Variants in DTNA observed in about 807,000 individuals in gnomAD.
DTNA encodes the protein dystrobrevin alpha.
Under a neutral mutation model 100.7 loss-of-function variants are expected in DTNA, and 43 were observed. The ratio of observed to expected loss-of-function variants is 0.43; its 90% CI spans 0.33 to 0.55. DTNA has a LOEUF of 0.55. Ranked by LOEUF, DTNA falls within the 20% of genes least tolerant of loss-of-function variation. DTNA has a pLI of 0.04. For missense variants in DTNA, 798 were observed against 953.9 expected (o/e 0.84, Z 2.15); for synonymous variants, 349 against 347.9 (o/e 1.00, Z -0.04).
rs139722510 is a variant in DTNA, at chr18:34,520,775, A to C, written c.-2+27261A>C. 2.1e-4 allele frequency among the ~76,000 whole-genome samples: 32 copies of C among 152,188 alleles called. No individual in the cohort carries two copies. The East Asian group carries it at 4.3e-3, about 20-fold the overall frequency. ...AAGTTTTCATTGCTGTTCTCCTGCCATTTCCTTCCTAGGTAACTACTGCTT... is the reference window on the plus strand; with the variant it reads ...AAGTTTTCATTGCTGTTCTCCTGCCCTTTCCTTCCTAGGTAACTACTGCTT... On this transcript the variant is annotated intron_variant, in intron 1 of 19. Transcript: ENST00000283365.
At chr18:34,668,845 A>G (rs2144918228) in intron 1 of DTNA, among the ~76,000 whole-genome samples, 2 of 152,264 alleles carry the variant, frequency 1.3e-5, no homozygotes, top group East Asian at 3.9e-4. Flanking sequence ...TTTACTTCCA[A>G]CTATGTGGTC....
At chr18:34,592,204 A>C (rs1004362910) in intron 1 of DTNA, among the ~76,000 whole-genome samples, 1 of 152,042 alleles carries the variant, frequency 6.6e-6, no homozygotes, top group South Asian at 2.1e-4. Flanking sequence ...CAAAATTATA[A>C]AGCCTTCATT....
intron 22 of DTNA, among the ~76,000 whole-genome samples, chr18:34,886,019 G>T (rs1302651102): frequency 6.6e-6 from 1 of 152,178 alleles, no homozygotes; most frequent in African/African-American, 2.4e-5. Flanking sequence ...CCTCTCAAAG[G>T]ATTCTGGCTG....
At chr18:34,815,850 A>C in intron 6 of DTNA, 59 bp from the exon 7 acceptor site, 1 of 1,340,018 alleles carries the variant, frequency 7.5e-7, no homozygotes, top group Admixed American at 1.7e-5. Context: ...TGATATTTAC[A>C]TAGCAGGTAA....
intron 1 of DTNA, among the ~76,000 whole-genome samples, chr18:34,661,728 T>C (rs540939551): frequency 6.6e-6 from 1 of 152,260 alleles, no homozygotes; most frequent in African/African-American, 2.4e-5. Flanking sequence ...CCACCCTCTT[T>C]GCCCCAAGAT....
intron 1 of DTNA, among the ~76,000 whole-genome samples, chr18:34,571,807 C>G (rs2047617083): frequency 6.6e-6 from 1 of 152,100 alleles, no homozygotes; most frequent in Non-Finnish European, 1.5e-5. Flanking sequence ...TTTCAACATA[C>G]CCCATTCCAA....
At chr18:34,503,764 TTGAGCATTTAC>T (rs1172570696) in intron 1 of DTNA, among the ~76,000 whole-genome samples, 3 of 151,962 alleles carry the variant, frequency 2.0e-5, no homozygotes, top group Non-Finnish European at 1.5e-5. Context: ...TGTTATTTAC[TTGAGCATTTAC>T]AGAATTCCAC....
intron 1 of DTNA, among the ~76,000 whole-genome samples, chr18:34,506,738 ACCATCATGTCATT>A (rs1183904987): frequency 6.6e-6 from 1 of 152,118 alleles, no homozygotes; most frequent in Non-Finnish European, 1.5e-5. Context: ...CAGGGAACTC[ACCATCATGTCATT>A]CCTTGAGCTC....
intron 17 of DTNA, among the ~76,000 whole-genome samples, chr18:34,870,496 G>A (rs1014465842): frequency 6.6e-6 from 1 of 152,064 alleles, no homozygotes; most frequent in East Asian, 1.9e-4. Flanking sequence ...AAAGATGATC[G>A]TCTAGTGTTC....
intron 1 of DTNA, among the ~76,000 whole-genome samples, chr18:34,582,237 C>G (rs1242937423): frequency 6.6e-6 from 1 of 152,096 alleles, no homozygotes; most frequent in Non-Finnish European, 1.5e-5. Context: ...CCAAGATTGA[C>G]TGCTACCCCC....
chr18:34,683,237 A>G (rs150958021), intron 1 of DTNA, among the ~76,000 whole-genome samples: 1 of 152,254 alleles, frequency 6.6e-6, no homozygotes, highest in Non-Finnish European at 1.5e-5. Flanking sequence ...AATGTCCTGT[A>G]ATAAATACTG....
intron 17 of DTNA, 76 bp from the exon 18 acceptor site, chr18:34,875,163 A>G (rs909227677): frequency 1.9e-6 from 3 of 1,575,470 alleles, no homozygotes; most frequent in South Asian, 1.1e-5. Context: ...TGTTTTCAAC[A>G]ATCAACTGAG....
At chr18:34,821,008 A>G in intron 9 of DTNA, 93 bp downstream of exon 9, 1 of 1,573,782 alleles carries the variant, frequency 6.4e-7, no homozygotes, top group Non-Finnish European at 8.7e-7. Flanking sequence ...AGTGGTCAGC[A>G]ACCAAGATTT....
intron 2 of DTNA, among the ~76,000 whole-genome samples, chr18:34,761,385 G>A (rs1487854762): frequency 2.0e-5 from 3 of 151,568 alleles, no homozygotes; most frequent in Admixed American, 1.3e-4. Flanking sequence ...AATGTTCAGA[G>A]TGCAAAAGCT....
intron 4 of DTNA, among the ~76,000 whole-genome samples, chr18:34,805,013 A>G (rs866703163): frequency 6.6e-6 from 1 of 152,188 alleles, no homozygotes; most frequent in African/African-American, 2.4e-5. Flanking sequence ...TATTTATTCC[A>G]TGTACTAAAG....
intron 1 of DTNA, among the ~76,000 whole-genome samples, chr18:34,683,963 G>T (rs887277454): frequency 2.0e-5 from 3 of 152,106 alleles, no homozygotes; most frequent in Non-Finnish European, 4.4e-5. Flanking sequence ...TTCAGCATTG[G>T]AAGTTGGGGT....
At chr18:34,773,380 A>C (rs2093882063) in intron 3 of DTNA, among the ~76,000 whole-genome samples, 1 of 152,216 alleles carries the variant, frequency 6.6e-6, no homozygotes, top group Non-Finnish European at 1.5e-5. Context: ...TCGGAAACAC[A>C]GGCAAGAGAA....
chr18:34,820,042 A>G (rs1219099986), intron 8 of DTNA, among the ~76,000 whole-genome samples: 4 of 149,904 alleles, frequency 2.7e-5, no homozygotes, highest in Non-Finnish European at 5.9e-5. Context: ...TGTATGTGGT[A>G]GGCTACTTTT....
chr18:34,847,202 A>G (rs1447566113), intron 13 of DTNA, among the ~76,000 whole-genome samples: 1 of 152,216 alleles, frequency 6.6e-6, no homozygotes, highest in African/African-American at 2.4e-5. Context: ...TGGAAGAATT[A>G]GTAACGCTTC....
Sources: gnomAD v4.1 joint callset for allele counts (sites outside exome capture counted in the v4.1 genomes callset) on GRCh38, gnomAD v4.1.1 for gene constraint, MANE v1.5 for transcripts, NCBI Gene and HGNC (gene_info 2026-07-23, HGNC 2026-07-21) for gene names.